The following PIBF1 variants were observed in gnomAD, a reference collection of about 807,000 sequenced individuals.
PIBF1 encodes progesterone immunomodulatory binding factor 1.
In PIBF1, 90 loss-of-function variants were observed where a neutral mutation model predicts 112.5. The observed-to-expected ratio is 0.80, with a 90% CI of 0.67 to 0.95. The LOEUF (loss-of-function observed/expected upper bound fraction) is 0.95. Ranked by LOEUF, PIBF1 falls within the 40% of genes least tolerant of loss-of-function variation. PIBF1 has a pLI of 0.00. For missense variants in PIBF1, 915 were observed against 852.3 expected, an observed-to-expected ratio of 1.07 and a Z score of -0.92; for synonymous variants, 301 against 288.6, an observed-to-expected ratio of 1.04 and a Z score of -0.44.
rs141701154 is a variant in PIBF1, at chr13:72,819,008, A to C, written c.673-2841A>C. Among the ~76,000 whole-genome samples, 1,052 of 152,192 alleles carry C rather than the reference A, an allele frequency of 6.9e-3. 15 individuals carry two copies. The highest frequency in any genetic ancestry group is 0.024 in the African/African-American group (1,015 of 41,524). On this transcript the variant is annotated intron_variant, in intron 5 of 17. Transcript: ENST00000326291. ...GTATTTCATTTCACAGAGAAAATGG[A>C]AATCTTCAGATGAGAACTCCCACAG...
chr13:72,865,251 G>T lies in PIBF1; in HGVS notation c.1322+11096G>T, dbSNP rs79608497. The stretch of plus-strand genomic sequence containing the variant: ...CTAGCATTGTTTAACTGTTCTATAC[G>T]TATTAGCTATTTTAATGCCTGCATA... On this transcript the variant is annotated intron_variant, in intron 10 of 17. Coordinates refer to ENST00000326291, the MANE Select transcript of PIBF1 (RefSeq NM_006346.4). Among the ~76,000 whole-genome samples, 1,387 of 151,960 alleles carry T rather than the reference G, an allele frequency of 9.1e-3. 11 individuals are homozygous for T. Among genetic ancestry groups the T allele is most frequent in the Non-Finnish European group, 0.015 (1,022 of 67,958 alleles).
At chr13:72,881,311 G>T (rs1175116268) in intron 10 of PIBF1, 1 of 152,148 alleles carries the variant, frequency 6.6e-6, no homozygotes, top group Non-Finnish European at 1.5e-5. Flanking sequence ...TACAAAATCA[G>T]TGTACCAAAA....
At chr13:72,800,965 C>T (rs2035441817) in intron 5 of PIBF1, among the ~76,000 whole-genome samples, 1 of 152,158 alleles carries the variant, frequency 6.6e-6, no homozygotes, top group African/African-American at 2.4e-5. Flanking sequence ...AGAGAGAGAA[C>T]AAGGCTGTCT....
chr13:72,932,045 A>C (rs1183896987), intron 14 of PIBF1, among the ~76,000 whole-genome samples: 1 of 139,206 alleles, frequency 7.2e-6, no homozygotes, highest in Admixed American at 7.5e-5. Context: ...AGGGTCAAGG[A>C]CTCCTCCCTC....
At chr13:72,813,968 A>G (rs1003372820) in intron 5 of PIBF1, among the ~76,000 whole-genome samples, 1 of 152,118 alleles carries the variant, frequency 6.6e-6, no homozygotes, top group Non-Finnish European at 1.5e-5. Context: ...ATAAAAATCT[A>G]TGGATTACTC....
chr13:72,822,503 T>C (rs2036601370), intron 6 of PIBF1, among the ~76,000 whole-genome samples: 1 of 152,224 alleles, frequency 6.6e-6, no homozygotes, highest in Admixed American at 6.5e-5. Context: ...TACATCTCTT[T>C]TCATTCTGAG....
At chr13:72,906,236 TA>T (rs1179734923) in intron 11 of PIBF1, among the ~76,000 whole-genome samples, 1 of 152,184 alleles carries the variant, frequency 6.6e-6, no homozygotes, top group African/African-American at 2.4e-5. Flanking sequence ...GCTTAATTAT[TA>T]ATTGGCAAAG....
rs1176079981 is a variant in PIBF1, at chr13:73,010,810, C to CTTTTTTTTTTTTTTTTTTTTTTTTTT, written c.2224-5054_2224-5029dup. On this transcript the variant is annotated intron_variant, in intron 17 of 17. Transcript: ENST00000326291. The stretch of plus-strand genomic sequence containing the variant: ...CTGAGCTGGAAAATCATTAACTTTT[C>CTTTTTTTTTTTTTTTTTTTTTTTTTT]TTTTTTTTTTTTTTTTTTTTTTTTT... Among the ~76,000 whole-genome samples, 5 of 40,304 alleles carry CTTTTTTTTTTTTTTTTTTTTTTTTTT rather than the reference C, an allele frequency of 1.2e-4. 1 individual carries two copies. The highest frequency in any genetic ancestry group is 2.9e-4 in the African/African-American group (3 of 10,460). 26.4% of individuals were successfully genotyped at this position (40,304 alleles called of 152,430 possible).
chr13:72,942,443 G>T (rs2042039305), intron 14 of PIBF1, among the ~76,000 whole-genome samples: 1 of 151,928 alleles, frequency 6.6e-6, no homozygotes, highest in Non-Finnish European at 1.5e-5. Context: ...CTCTGTTTCT[G>T]TGTTTTTCTT....
chr13:72,795,403 T>TGA lies in PIBF1; in HGVS notation c.401_402dup (p.Gln135AspfsTer5). On this transcript the variant is annotated frameshift_variant, in exon 4 of 18. Coordinates refer to ENST00000326291, the MANE Select transcript of PIBF1 (RefSeq NM_006346.4). LOFTEE classifies it high-confidence loss of function. ...AAACAAGAAATGGAAACCATTTTGT[T>TGA]GAGACAGAAACAACTAGAAGAGACA... 6.2e-7 allele frequency: 1 copy of TGA among 1,604,778 alleles called. No homozygotes were observed. Among genetic ancestry groups the TGA allele is most frequent in the Non-Finnish European group, 8.5e-7 (1 of 1,177,180 alleles).
At chr13:72,931,938 C>CTTTTTTTTT in intron 14 of PIBF1, among the ~76,000 whole-genome samples, 1 of 100,836 alleles carries the variant, frequency 9.9e-6, no homozygotes, top group Non-Finnish European at 1.9e-5. Context: ...TTGTTTCTTT[C>CTTTTTTTTT]TTTTTTTTTT....
intron 16 of PIBF1, among the ~76,000 whole-genome samples, chr13:72,979,682 C>T (rs886479347): frequency 2.6e-5 from 4 of 151,910 alleles, no homozygotes; most frequent in Admixed American, 2.0e-4. Context: ...CCAGCACTTT[C>T]GGAGGCCGAG....
intron 15 of PIBF1, among the ~76,000 whole-genome samples, chr13:72,968,292 G>GTTGTTC (rs1555326385): frequency 6.6e-6 from 1 of 151,558 alleles, no homozygotes; most frequent in African/African-American, 2.4e-5. Flanking sequence ...TGTTGTTGTT[G>GTTGTTC]TTCTTTTTTT....
Position 72,998,930 on chromosome 13 carries a change from T to A in PIBF1, c.2158T>A (p.Ser720Thr). 1 of 1,612,370 alleles carries A rather than the reference T, an allele frequency of 6.2e-7. No homozygotes were observed. The highest frequency in any genetic ancestry group is 1.1e-5 in the South Asian group (1 of 90,994). Reference sequence around the variant, plus strand: ...AAAACATGTGACAGAAAATCAGAAATCAAAGACTTTGAATGTGCCTAAAGA... The same window carrying A: ...AAAACATGTGACAGAAAATCAGAAAACAAAGACTTTGAATGTGCCTAAAGA... ...EPKHVTENQK[S>T]KTLNVPKEHE... The change falls in exon 17 of 18, where the codon TCA becomes ACA. Residue 720 changes from serine to threonine, a missense_variant. Ser to Thr is a moderately conservative substitution (Grantham distance 58). Coordinates refer to ENST00000326291, the MANE Select transcript of PIBF1 (RefSeq NM_006346.4).
At position 72,990,640 on chromosome 13, in the gene PIBF1, G is replaced by T. The variant is rs550341033; in HGVS notation, c.2050-8182G>T. On this transcript the variant is annotated intron_variant, in intron 16 of 17. Transcript: ENST00000326291. ...AGGTGGGTGGATCACCCAAGGTCAG[G>T]AGTTTGAGACCAGCCTGGCCAACTT... is the stretch of plus-strand genomic sequence containing the variant. Among the ~76,000 whole-genome samples, 14 of 151,946 alleles carry T rather than the reference G, an allele frequency of 9.2e-5. No individual in the cohort carries two copies. In the East Asian group the frequency reaches 2.7e-3, roughly 29 times the overall value.
chr13:72,804,977 A>AT (rs764404578), intron 5 of PIBF1, among the ~76,000 whole-genome samples: 3 of 151,932 alleles, frequency 2.0e-5, no homozygotes, highest in Non-Finnish European at 4.4e-5. Flanking sequence ...AAGTTACTAA[A>AT]TTTTTTCTTT....
chr13:72,849,287 T>C (rs1331494050), intron 9 of PIBF1, among the ~76,000 whole-genome samples: 1 of 152,226 alleles, frequency 6.6e-6, no homozygotes, highest in South Asian at 2.1e-4. Context: ...AAAACACTTA[T>C]CTTTCTTTGT....
intron 11 of PIBF1, among the ~76,000 whole-genome samples, chr13:72,894,518 G>A (rs2040188583): frequency 6.6e-6 from 1 of 151,618 alleles, no homozygotes; most frequent in African/African-American, 2.4e-5. Flanking sequence ...CACAAAATTA[G>A]TTCACAAATG....
intron 16 of PIBF1, among the ~76,000 whole-genome samples, chr13:72,979,463 A>G (rs1594307880): frequency 6.6e-6 from 1 of 152,196 alleles, no homozygotes; most frequent in African/African-American, 2.4e-5. Context: ...AGTCGTTAGA[A>G]GCTGATGTAG....
Sources: allele counts gnomAD v4.1 joint callset (sites outside exome capture counted in the v4.1 genomes callset), GRCh38; gene constraint gnomAD v4.1.1; transcripts MANE v1.5; gene names NCBI Gene and HGNC (gene_info 2026-07-23, HGNC 2026-07-21).